Variants in SMYD2 observed in about 807,000 individuals in gnomAD.
The protein encoded by SMYD2 is N-lysine methyltransferase SMYD2.
SMYD2 carries 53 observed loss-of-function variants against 59.1 expected under a neutral mutation model. The observed-to-expected ratio is 0.90, with a 90% CI of 0.72 to 1.13. SMYD2 has a LOEUF of 1.13. Ranked by LOEUF, SMYD2 falls within the 50% of genes most tolerant of loss-of-function variation. The probability of loss-of-function intolerance (pLI) is 0.00; values close to 1 mark genes in which losing one functional copy is unlikely to be tolerated. For missense variants in SMYD2, 494 were observed against 544.7 expected, an observed-to-expected ratio of 0.91 and a Z score of 0.93; for synonymous variants, 208 against 198.8, an observed-to-expected ratio of 1.05 and a Z score of -0.39.
At chr1:214,300,520 A>C (rs887073967) in intron 1 of SMYD2, among the ~76,000 whole-genome samples, 1 of 152,168 alleles carries the variant, frequency 6.6e-6, no homozygotes, top group African/African-American at 2.4e-5. Context: ...TGCATCTTTA[A>C]AGCAAAGTGA....
chr1:214,337,081 G>A lies in SMYD2; in HGVS notation c.*297G>A, dbSNP rs1294710679. ...AATTATTTTTTCTTTCATGCCTCTT[G>A]TAATGTTCTGAACAAACTTGAATGA... On this transcript the variant is annotated 3_prime_UTR_variant, in exon 12 of 12. Transcript: ENST00000366957. 2.7e-5 allele frequency: 7 copies of A among 259,626 alleles called. No individual in the cohort carries two copies. The highest frequency in any genetic ancestry group is 5.1e-5 in the Non-Finnish European group (7 of 137,242). The allele number at this position is 259,626 out of a possible 1,614,324, so 16.1% of individuals were successfully genotyped here.
chr1:214,305,136 G>C, intron 1 of SMYD2, 51 bp from the exon 2 acceptor site: 1 of 1,554,232 alleles, frequency 6.4e-7, no homozygotes, highest in Non-Finnish European at 8.9e-7. Flanking sequence ...AAAATGTACA[G>C]CTTCACGTTT....
chr1:214,285,157 G>A (rs893402000), intron 1 of SMYD2, among the ~76,000 whole-genome samples: 1 of 150,000 alleles, frequency 6.7e-6, no homozygotes, highest in Non-Finnish European at 1.5e-5. Flanking sequence ...CAAACCCTGT[G>A]ATTAAGGTGT....
Position 214,318,107 on chromosome 1 carries a change from A to G in SMYD2, c.377A>G (p.Glu126Gly). 1 of 1,613,898 alleles carries G rather than the reference A, an allele frequency of 6.2e-7. No individual in the cohort carries two copies. Among genetic ancestry groups the G allele is most frequent in the Non-Finnish European group, 8.5e-7 (1 of 1,179,966 alleles). Residue 126 changes from glutamate (E) to glycine (G), a missense_variant, in exon 4 of 12, where the codon GAA becomes GGA. Physicochemically the swap from Glu to Gly is moderately conservative, Grantham distance 98 (BLOSUM62 -2). Coordinates refer to ENST00000366957, the MANE Select transcript of SMYD2 (RefSeq NM_020197.3). This position sits in a 1 kb window ranked among gnomAD's most constrained non-coding sequence, Gnocchi z 5.4. ...QKIHPERTPS[E>G]KLLAVKEFES... ...ATCCACCCAGAGAGAACACCTTCGG[A>G]AAAATTGTTAGCTGTGAAGGAGTTT...
At chr1:214,313,129 A>T (rs11120293) in intron 2 of SMYD2, among the ~76,000 whole-genome samples, 55,902 of 151,542 alleles carry the variant, frequency 0.37, 10,387 homozygotes, top group East Asian at 0.56. Context: ...ATTTATTTTT[A>T]TTTTTGAGAC....
At chr1:214,320,731 A>T (rs1657160159) in intron 5 of SMYD2, among the ~76,000 whole-genome samples, 1 of 152,224 alleles carries the variant, frequency 6.6e-6, no homozygotes. Flanking sequence ...CTTTATTTAG[A>T]TATATTTCAG....
chr1:214,306,999 C>T (rs377255919), intron 2 of SMYD2, among the ~76,000 whole-genome samples: 2 of 152,164 alleles, frequency 1.3e-5, no homozygotes, highest in Non-Finnish European at 2.9e-5. Flanking sequence ...GGTGAAACCC[C>T]GTCTCTACTA....
intron 5 of SMYD2, among the ~76,000 whole-genome samples, chr1:214,321,680 A>G (rs1657174741): frequency 6.6e-6 from 1 of 152,230 alleles, no homozygotes; most frequent in Non-Finnish European, 1.5e-5. Flanking sequence ...CACTGGGAAC[A>G]TATGCATGAT....
intron 3 of SMYD2, among the ~76,000 whole-genome samples, chr1:214,315,119 C>T (rs1172460879): frequency 6.6e-6 from 1 of 152,184 alleles, no homozygotes; most frequent in Non-Finnish European, 1.5e-5. Flanking sequence ...AAATTCTGAG[C>T]TGTTTTCATG....
At position 214,318,385 on chromosome 1, in the gene SMYD2, A is replaced by T. The variant is rs983614314; in HGVS notation, c.409+246A>T. Among the ~76,000 whole-genome samples the T allele has an allele frequency of 6.6e-6, 1 of 152,216 alleles. No individual in the cohort carries two copies. Among genetic ancestry groups the T allele is most frequent in the South Asian group, 2.1e-4 (1 of 4,832 alleles). ...TCCCAAAATGAATTATTGCACCCTG[A>T]GCTACCTCCTGCTGGCCCTCTTGGC... is the stretch of plus-strand genomic sequence containing the variant. On this transcript the variant is annotated intron_variant, in intron 4 of 11. Transcript: ENST00000366957. The surrounding 1 kb of genome is among the most constrained non-coding windows in gnomAD (Gnocchi z 5.4).
chr1:214,323,957 C>T (rs1394832674), intron 5 of SMYD2, among the ~76,000 whole-genome samples: 2 of 151,804 alleles, frequency 1.3e-5, no homozygotes, highest in South Asian at 2.1e-4. Context: ...GACAGAGTTT[C>T]GCTGTTGTTG....
At chr1:214,321,303 A>G (rs927745841) in intron 5 of SMYD2, among the ~76,000 whole-genome samples, 1 of 152,190 alleles carries the variant, frequency 6.6e-6, no homozygotes, top group Admixed American at 6.5e-5. Flanking sequence ...TAGAGAATTA[A>G]TTCCTTTATT....
intron 7 of SMYD2, among the ~76,000 whole-genome samples, chr1:214,329,552 C>T (rs1211604413): frequency 6.6e-6 from 1 of 151,062 alleles, no homozygotes; most frequent in Admixed American, 6.6e-5. Context: ...ACTTTCCAAG[C>T]TCGCTGCCCT....
At chr1:214,325,493 T>G (rs1280801145) in intron 6 of SMYD2, among the ~76,000 whole-genome samples, 1 of 152,234 alleles carries the variant, frequency 6.6e-6, no homozygotes, top group Non-Finnish European at 1.5e-5. Context: ...TAACATATAC[T>G]GCAGGGGCCT....
chr1:214,304,428 A>G (rs1165389747), intron 1 of SMYD2, among the ~76,000 whole-genome samples: 1 of 152,034 alleles, frequency 6.6e-6, no homozygotes, highest in Non-Finnish European at 1.5e-5. Flanking sequence ...GCATGGTGGC[A>G]CATGCCCTAT....
rs181597862 is a variant in SMYD2, at chr1:214,311,087, A to G, written c.238-3675A>G. On this transcript the variant is annotated intron_variant, in intron 2 of 11. Transcript: ENST00000366957. ...ATCCAGCTACCTGATTTTAACTGCT[A>G]TGAGCGGGACTGTATTTAATTGTAG... Among the ~76,000 whole-genome samples the G allele has an allele frequency of 4.6e-5, 7 of 152,322 alleles. No homozygotes were observed. In the East Asian group the frequency reaches 7.7e-4, roughly 17 times the overall value.
At chr1:214,306,972 A>G (rs1422966917) in intron 2 of SMYD2, among the ~76,000 whole-genome samples, 2 of 152,192 alleles carry the variant, frequency 1.3e-5, no homozygotes, top group African/African-American at 4.8e-5. Flanking sequence ...GGAGTTCGAG[A>G]CCAGCCTAAC....
chr1:214,295,419 A>G (rs1460214335), intron 1 of SMYD2, among the ~76,000 whole-genome samples: 1 of 152,168 alleles, frequency 6.6e-6, no homozygotes, highest in Non-Finnish European at 1.5e-5. Context: ...TTCTAAGGCA[A>G]AGGTAAATTT....
Position 214,336,748 on chromosome 1 carries a change from T to A in SMYD2, c.1266T>A (p.Tyr422Ter). The part of the protein sequence containing the change: ...MEVAHGKDHP[Y>*]ISEIKQEIES... ...TAGCTCACGGCAAAGATCATCCATA[T>A]ATTTCTGAGATCAAACAGGAAATTG... is the stretch of plus-strand genomic sequence containing the variant. Residue 422 changes from tyrosine to a stop codon, truncating the protein, a stop_gained, in exon 12 of 12, where the codon TAT becomes TAA. Coordinates refer to ENST00000366957, the MANE Select transcript of SMYD2 (RefSeq NM_020197.3). LOFTEE classifies it high-confidence loss of function. The A allele has an allele frequency of 6.2e-7, 1 of 1,613,890 alleles. No homozygotes were observed. Among genetic ancestry groups the A allele is most frequent in the Non-Finnish European group, 8.5e-7 (1 of 1,179,974 alleles).
Sources: gnomAD v4.1 joint callset for allele counts (sites outside exome capture counted in the v4.1 genomes callset) on GRCh38, gnomAD v4.1.1 for gene constraint, Gnocchi (gnomAD v3.1) non-coding constraint, MANE v1.5 for transcripts, NCBI Gene and HGNC (gene_info 2026-07-23, HGNC 2026-07-21) for gene names.